Variants in CRACD observed in about 807,000 individuals in gnomAD.
CRACD encodes capping protein-inhibiting regulator of actin dynamics.
In CRACD, 56 loss-of-function variants were observed where a neutral mutation model predicts 106.8. The observed-to-expected ratio is 0.52, with a 90% CI of 0.42 to 0.66. CRACD has a LOEUF of 0.66. Among genes scored for constraint, CRACD ranks in the 30% least tolerant of loss-of-function variants. The pLI, the probability that CRACD is intolerant of heterozygous loss-of-function variation, is 0.00. For missense variants in CRACD, 1,730 were observed against 1,623.2 expected (o/e 1.07, Z -1.13); for synonymous variants, 754 against 670.8 (o/e 1.12, Z -1.92).
At chr4:56,093,553 C>G (rs935305420) in intron 1 of CRACD, among the ~76,000 whole-genome samples, 5 of 152,188 alleles carry the variant, frequency 3.3e-5, no homozygotes, top group Admixed American at 1.3e-4. Context: ...CACCCAGCTA[C>G]CTTCCCTTCT....
At chr4:56,294,334 A>G (rs940561060) in intron 3 of CRACD, among the ~76,000 whole-genome samples, 1 of 152,174 alleles carries the variant, frequency 6.6e-6, no homozygotes, top group African/African-American at 2.4e-5. Context: ...TATATCCACT[A>G]ATTAAAAAAT....
chr4:56,220,041 A>G (rs1238426614), intron 2 of CRACD, among the ~76,000 whole-genome samples: 1 of 152,200 alleles, frequency 6.6e-6, no homozygotes, highest in Non-Finnish European at 1.5e-5. Context: ...TTTGATTGAA[A>G]GAGGAAAAAA....
chr4:56,081,802 C>T (rs1259689395), intron 1 of CRACD, among the ~76,000 whole-genome samples: 6 of 151,912 alleles, frequency 3.9e-5, no homozygotes, highest in African/African-American at 7.3e-5. Flanking sequence ...ATGGCGAAAC[C>T]CCATCTCTAC....
chr4:56,153,433 A>C (rs1735655588), intron 1 of CRACD, among the ~76,000 whole-genome samples: 1 of 151,726 alleles, frequency 6.6e-6, no homozygotes, highest in Non-Finnish European at 1.5e-5. Flanking sequence ...CCCCAGCTTC[A>C]CTCTGTCAGT....
intron 2 of CRACD, among the ~76,000 whole-genome samples, chr4:56,202,144 A>ATG (rs1737907710): frequency 6.6e-6 from 1 of 152,206 alleles, no homozygotes; most frequent in African/African-American, 2.4e-5. Flanking sequence ...AAAGCTGTTT[A>ATG]TGTGTAGGGA....
chr4:56,099,028 C>T (rs2109829057), intron 1 of CRACD, among the ~76,000 whole-genome samples: 1 of 152,262 alleles, frequency 6.6e-6, no homozygotes, highest in South Asian at 2.1e-4. Flanking sequence ...CTGCTGAATT[C>T]CTGTTAATTA....
intron 2 of CRACD, among the ~76,000 whole-genome samples, chr4:56,263,132 A>C (rs138191731): frequency 2.0e-5 from 3 of 152,344 alleles, no homozygotes; most frequent in East Asian, 3.9e-4. Flanking sequence ...GCACAAGCAG[A>C]GAACAGAAGA....
chr4:56,243,414 A>G (rs1740485990), intron 2 of CRACD, among the ~76,000 whole-genome samples: 1 of 152,214 alleles, frequency 6.6e-6, no homozygotes, highest in Non-Finnish European at 1.5e-5. Context: ...CATCAATGTA[A>G]GGAATGTTAG....
intron 6 of CRACD, among the ~76,000 whole-genome samples, chr4:56,311,973 G>A (rs75496273): frequency 0.012 from 1,887 of 152,160 alleles, 53 homozygotes; most frequent in African/African-American, 0.043. Context: ...CCCTTCATCT[G>A]AGGTTGTGTT....
intron 1 of CRACD, among the ~76,000 whole-genome samples, chr4:56,162,248 G>T (rs1735987408): frequency 6.6e-6 from 1 of 151,938 alleles, no homozygotes; most frequent in South Asian, 2.1e-4. Context: ...AGGCTGGAGT[G>T]CAGGGGTACA....
intron 3 of CRACD, among the ~76,000 whole-genome samples, chr4:56,275,737 C>A (rs1560513440): frequency 6.6e-6 from 1 of 152,116 alleles, no homozygotes; most frequent in African/African-American, 2.4e-5. Flanking sequence ...TTGCTATCTC[C>A]AAAATGGACA....
chr4:56,080,563 G>T (rs1732988040), intron 1 of CRACD, among the ~76,000 whole-genome samples: 2 of 152,254 alleles, frequency 1.3e-5, no homozygotes, highest in South Asian at 4.1e-4. Context: ...CATGGGCAAT[G>T]AAGACTTCTT....
chr4:56,099,611 C>T (rs1484434213), intron 1 of CRACD, among the ~76,000 whole-genome samples: 2 of 152,168 alleles, frequency 1.3e-5, no homozygotes, highest in Non-Finnish European at 2.9e-5. Context: ...CCATGACTTA[C>T]AGGCTCAAGA....
intron 1 of CRACD, among the ~76,000 whole-genome samples, chr4:56,144,455 G>A (rs1458029438): frequency 2.0e-5 from 3 of 152,148 alleles, no homozygotes; most frequent in Non-Finnish European, 4.4e-5. Flanking sequence ...CGGTGAGAAC[G>A]AGGATAACCG....
chr4:56,244,493 A>G (rs569359249), intron 2 of CRACD, among the ~76,000 whole-genome samples: 1 of 152,326 alleles, frequency 6.6e-6, no homozygotes, highest in East Asian at 1.9e-4. Flanking sequence ...TCCAAAGCTT[A>G]TATTGGCTTT....
chr4:56,316,553 GC>G lies in CRACD; in HGVS notation c.3056del (p.Pro1019GlnfsTer55). On this transcript the variant is annotated frameshift_variant, in exon 8 of 11. Coordinates refer to ENST00000682029, the MANE Select transcript of CRACD (RefSeq NM_001393381.1). LOFTEE classifies it high-confidence loss of function. ...QESSDRRPPS[P>X]PGPEERKGQK... is the part of the protein sequence containing the mutation. ...AGAGCAGTGACCGCCGGCCACCCTC[GC>G]CCCCAGGCCCCGAGGAAAGGAAGGG... 2 of 1,613,056 alleles carry G rather than the reference GC, an allele frequency of 1.2e-6. No individual in the cohort carries two copies. The highest frequency in any genetic ancestry group is 2.2e-5 in the East Asian group (1 of 44,834).
At chr4:56,145,226 AT>A (rs1735341966) in intron 1 of CRACD, among the ~76,000 whole-genome samples, 1 of 152,100 alleles carries the variant, frequency 6.6e-6, no homozygotes, top group Non-Finnish European at 1.5e-5. Context: ...TTGATTCTTG[AT>A]TTTACACACC....
In CRACD at chr4:56,328,082, A is replaced by G; in HGVS notation, c.*278A>G. 2.6e-6 allele frequency: 1 copy of G among 379,918 alleles called. No individual in the cohort carries two copies. Among genetic ancestry groups the G allele is most frequent in the Non-Finnish European group, 4.9e-6 (1 of 204,090 alleles). 23.5% of individuals were successfully genotyped at this position (379,918 alleles called of 1,614,324 possible). A position where few individuals can be genotyped will look rare whatever the true frequency, so the allele number is the denominator to read the frequency against. The stretch of plus-strand genomic sequence containing the variant: ...AAAATCTCTAAGCTAAGAACTCGTG[A>G]GAGCCTGCCATGCCCATTTCATGGC... On this transcript the variant is annotated 3_prime_UTR_variant, in exon 11 of 11. Transcript: ENST00000682029.
intron 10 of CRACD, among the ~76,000 whole-genome samples, chr4:56,325,792 G>A (rs1746403966): frequency 6.6e-6 from 1 of 152,124 alleles, no homozygotes; most frequent in Non-Finnish European, 1.5e-5. Context: ...CTAATCTCTA[G>A]ACCCAGGCTT....
Sources: gnomAD v4.1 joint callset for allele counts (sites outside exome capture counted in the v4.1 genomes callset) on GRCh38, gnomAD v4.1.1 for gene constraint, MANE v1.5 for transcripts, NCBI Gene and HGNC (gene_info 2026-07-23, HGNC 2026-07-21) for gene names.